Variants in FBXW10B observed in about 807,000 individuals in gnomAD.
FBXW10B encodes the protein F-box and WD repeat domain containing protein 10B.
chr17:15,598,604 G>C, the FBXW10B span: 1 of 1,613,250 alleles, frequency 6.2e-7, no homozygotes, highest in Non-Finnish European at 8.5e-7. Flanking sequence ...ATAGTCCCCT[G>C]GTGACCACCG....
the FBXW10B span, among the ~76,000 whole-genome samples, chr17:15,584,717 G>A: frequency 3.3e-5 from 5 of 152,072 alleles, no homozygotes; most frequent in Admixed American, 1.3e-4. Context: ...CTTCATTTTC[G>A]TTTGCATGGC....
chr17:15,615,598 C>T, the FBXW10B span: 3 of 1,610,580 alleles, frequency 1.9e-6, no homozygotes, highest in South Asian at 1.1e-5. Flanking sequence ...CAGGCGTGAG[C>T]CACCGCACCT....
chr17:15,619,351 C>T, the FBXW10B span: 1 of 1,613,836 alleles, frequency 6.2e-7, no homozygotes, highest in South Asian at 1.1e-5. Flanking sequence ...CTAGAAACCT[C>T]CTCTGTGATA....
the FBXW10B span, among the ~76,000 whole-genome samples, chr17:15,617,713 C>T: frequency 2.0e-5 from 3 of 152,160 alleles, no homozygotes; most frequent in Admixed American, 6.5e-5. Flanking sequence ...CCTCACGATA[C>T]GTTGATTTCC....
At chr17:15,577,742 G>A in the FBXW10B span, among the ~76,000 whole-genome samples, 4 of 152,194 alleles carry the variant, frequency 2.6e-5, no homozygotes, top group Non-Finnish European at 5.9e-5. Context: ...TGTTAGATGA[G>A]TGGAAGTCAT....
At chr17:15,610,297 AGACT>A in the FBXW10B span, among the ~76,000 whole-genome samples, 3 of 152,236 alleles carry the variant, frequency 2.0e-5, no homozygotes, top group African/African-American at 4.8e-5. Context: ...ACTCTCTTAC[AGACT>A]AAGAGTCTTT....
chr17:15,585,061 T>A, the FBXW10B span, among the ~76,000 whole-genome samples: 1 of 151,402 alleles, frequency 6.6e-6, no homozygotes, highest in African/African-American at 2.4e-5. Flanking sequence ...TAAAGCTAGT[T>A]TTTTAGAGTC....
the FBXW10B span, among the ~76,000 whole-genome samples, chr17:15,604,803 C>T: frequency 6.6e-6 from 1 of 152,122 alleles, no homozygotes; most frequent in African/African-American, 2.4e-5. Context: ...TCCCAAAGTG[C>T]TGGGATTACA....
chr17:15,568,430 A>T, the FBXW10B span, among the ~76,000 whole-genome samples: 2 of 152,116 alleles, frequency 1.3e-5, no homozygotes, highest in African/African-American at 4.8e-5. Flanking sequence ...CCTCAAACTG[A>T]GGAGACCAAG....
the FBXW10B span, among the ~76,000 whole-genome samples, chr17:15,597,207 T>A: frequency 6.6e-6 from 1 of 151,124 alleles, no homozygotes; most frequent in Non-Finnish European, 1.5e-5. Flanking sequence ...TTTTCAATTT[T>A]ATGGAGAAAT....
At chr17:15,617,568 G>T in the FBXW10B span, among the ~76,000 whole-genome samples, 2 of 152,122 alleles carry the variant, frequency 1.3e-5, no homozygotes, top group African/African-American at 2.4e-5. Context: ...GGGTCATGGG[G>T]GCAGATTCCT....
the FBXW10B span, chr17:15,588,898 GTTGCCATTC>G: frequency 6.2e-7 from 1 of 1,614,114 alleles, no homozygotes; most frequent in Non-Finnish European, 8.5e-7. Context: ...TGTTCCAGGA[GTTGCCATTC>G]TGACCTTGGG....
the FBXW10B span, chr17:15,565,736 C>T: frequency 1.9e-5 from 31 of 1,614,058 alleles, no homozygotes; most frequent in South Asian, 1.2e-4. Context: ...GTCAACAGCA[C>T]GAACTCAGCG....
At chr17:15,590,202 A>G in the FBXW10B span, among the ~76,000 whole-genome samples, 4 of 151,780 alleles carry the variant, frequency 2.6e-5, no homozygotes, top group Non-Finnish European at 5.9e-5. Flanking sequence ...CCCCTCCTGG[A>G]GTCATTGTGA....
chr17:15,609,667 T>C, the FBXW10B span, among the ~76,000 whole-genome samples: 1 of 152,004 alleles, frequency 6.6e-6, no homozygotes, highest in African/African-American at 2.4e-5. Context: ...GTAAATGCTG[T>C]ATGCAGAGCT....
chr17:15,609,852 C>CTTTTTTTTTTTTTTTTT, the FBXW10B span, among the ~76,000 whole-genome samples: 10 of 103,182 alleles, frequency 9.7e-5, no homozygotes, highest in Non-Finnish European at 1.5e-4. Context: ...TTCTTTCTTT[C>CTTTTTTTTTTTTTTTTT]TTTTTTTTTT....
the FBXW10B span, among the ~76,000 whole-genome samples, chr17:15,608,850 T>C: frequency 4.7e-4 from 71 of 152,362 alleles, no homozygotes; most frequent in African/African-American, 1.7e-3. Flanking sequence ...AATGTTCTCA[T>C]TATTTTACAG....
chr17:15,566,668 T>C, the FBXW10B span, among the ~76,000 whole-genome samples: 68,009 of 151,068 alleles, frequency 0.45, 17,517 homozygotes, highest in African/African-American at 0.71. Context: ...TCACGCCGTT[T>C]TCCTGCCTCA....
the FBXW10B span, among the ~76,000 whole-genome samples, chr17:15,609,156 G>A: frequency 6.9e-6 from 1 of 145,736 alleles, no homozygotes; most frequent in Non-Finnish European, 1.5e-5. Context: ...AGAAAAAGCA[G>A]AATATATTTA....
Sources: gnomAD v4.1 joint callset for allele counts (sites outside exome capture counted in the v4.1 genomes callset) on GRCh38, gnomAD v4.1.1 for gene constraint, MANE v1.5 for transcripts, NCBI Gene and HGNC (gene_info 2026-07-23, HGNC 2026-07-21) for gene names.